The following BTBD7 variants were observed in gnomAD, a reference collection of about 807,000 sequenced individuals.
The protein encoded by BTBD7 is BTB/POZ domain-containing protein 7.
In BTBD7, 38 loss-of-function variants were observed where a neutral mutation model predicts 99.9. The observed-to-expected ratio is 0.38, with a 90% CI of 0.29 to 0.50. The LOEUF is 0.50. Ranked by LOEUF, BTBD7 falls within the 20% of genes least tolerant of loss-of-function variation. The probability of loss-of-function intolerance (pLI) is 0.93; values close to 1 mark genes in which losing one functional copy is unlikely to be tolerated. For synonymous variants in BTBD7, 520 were observed against 511.4 expected, an observed-to-expected ratio of 1.02 and a Z score of -0.23; for missense variants, 1,170 against 1,394.6, an observed-to-expected ratio of 0.84 and a Z score of 2.57.
chr14:93,295,240 A>G (rs1345780239), intron 2 of BTBD7, among the ~76,000 whole-genome samples: 2 of 152,138 alleles, frequency 1.3e-5, no homozygotes, highest in Non-Finnish European at 2.9e-5. Context: ...CTTCCCAAGT[A>G]GCTGGGAGTA....
intron 9 of BTBD7, 44 bp from the exon 10 acceptor site, chr14:93,246,330 A>C: frequency 6.8e-7 from 1 of 1,470,474 alleles, no homozygotes; most frequent in Non-Finnish European, 9.0e-7. Context: ...TTATTAGCAG[A>C]TTTCATAAGT....
chr14:93,331,194 AC>A lies in BTBD7; in HGVS notation c.-107+1625del, dbSNP rs2053398672. On this transcript the variant is annotated intron_variant, in intron 1 of 10. Transcript: ENST00000334746. ...TCGCTTTCAACTTTATTACACCAAA[AC>A]CCTATGGATAGGGGTAGGTAGTGAA... 3.3e-5 allele frequency among the ~76,000 whole-genome samples: 5 copies of A among 152,254 alleles called. No homozygotes were observed. The South Asian group carries it at 1.0e-3, about 32-fold the overall frequency.
At chr14:93,321,650 G>A (rs575086159) in intron 1 of BTBD7, among the ~76,000 whole-genome samples, 2 of 152,178 alleles carry the variant, frequency 1.3e-5, no homozygotes, top group Non-Finnish European at 2.9e-5. Context: ...CTGTTGAACA[G>A]GCAATTACAA....
At chr14:93,329,961 G>A (rs1566869619) in intron 1 of BTBD7, among the ~76,000 whole-genome samples, 1 of 152,168 alleles carries the variant, frequency 6.6e-6, no homozygotes, top group Non-Finnish European at 1.5e-5. Context: ...TAAATTGTAT[G>A]TGGATTTTAC....
At chr14:93,321,936 C>A (rs1444095549) in intron 1 of BTBD7, among the ~76,000 whole-genome samples, 4 of 152,016 alleles carry the variant, frequency 2.6e-5, no homozygotes, top group Non-Finnish European at 4.4e-5. Context: ...ATGCTCCAAA[C>A]AGCAGTGGGA....
intron 3 of BTBD7, among the ~76,000 whole-genome samples, chr14:93,290,912 T>TGGCCTCAAGTGATCC (rs766789932): frequency 8.6e-5 from 13 of 151,192 alleles, no homozygotes; most frequent in Non-Finnish European, 1.5e-4. Flanking sequence ...CTTAAACTCC[T>TGGCCTCAAGTGATCC]GGCCTCAAGT....
intron 1 of BTBD7, among the ~76,000 whole-genome samples, chr14:93,303,800 T>A (rs908479930): frequency 2.0e-5 from 3 of 152,058 alleles, no homozygotes; most frequent in African/African-American, 7.2e-5. Flanking sequence ...AAGCAACAGA[T>A]GGAAAATGGG....
At position 93,241,683 on chromosome 14, in the gene BTBD7, T is replaced by C. The variant is rs1595279478; in HGVS notation, c.*590A>G. The C allele has an allele frequency of 6.5e-6, 1 of 152,748 alleles. No individual in the cohort carries two copies. Among genetic ancestry groups the C allele is most frequent in the African/African-American group, 2.4e-5 (1 of 41,338 alleles). The allele number at this position is 152,748 out of a possible 1,614,324, so 9.5% of individuals were successfully genotyped here. ...AATGAAGCCCAGCTCCTAGGACTTA[T>C]TAAAAAAAAAATGACATTAGATTTA... is the stretch of plus-strand genomic sequence containing the variant. On this transcript the variant is annotated 3_prime_UTR_variant, in exon 11 of 11. Transcript: ENST00000334746.
intron 3 of BTBD7, among the ~76,000 whole-genome samples, chr14:93,275,469 T>G (rs17128979): frequency 0.011 from 1,645 of 152,328 alleles, 37 homozygotes; most frequent in African/African-American, 0.038. Context: ...TAGCTAATAT[T>G]TGGAATTTGG....
chr14:93,300,777 TATATA>T (rs1347488001), intron 1 of BTBD7, among the ~76,000 whole-genome samples: 1 of 99,324 alleles, frequency 1.0e-5, no homozygotes, highest in East Asian at 2.9e-4. Flanking sequence ...TGTGTGTATA[TATATA>T]TATATTTTTT....
At chr14:93,254,307 C>G (rs1184349076) in intron 6 of BTBD7, among the ~76,000 whole-genome samples, 1 of 152,074 alleles carries the variant, frequency 6.6e-6, no homozygotes, top group Non-Finnish European at 1.5e-5. Flanking sequence ...CCATTTTTCT[C>G]TAAATAGAGG....
At chr14:93,307,335 T>C (rs2053082309) in intron 1 of BTBD7, among the ~76,000 whole-genome samples, 1 of 152,092 alleles carries the variant, frequency 6.6e-6, no homozygotes, top group African/African-American at 2.4e-5. Context: ...ATTTTTTTTC[T>C]GTAGAGACAG....
rs115254338 is a variant in BTBD7 at position 93,302,194 on chromosome 14, T to C, written c.-106-6037A>G. Among the ~76,000 whole-genome samples, 1,077 of 152,338 alleles carry C rather than the reference T, an allele frequency of 7.1e-3. 13 individuals are homozygous for C. The highest frequency in any genetic ancestry group is 0.025 in the African/African-American group (1,031 of 41,568). On this transcript the variant is annotated intron_variant, in intron 1 of 10. Transcript: ENST00000334746. ...TTTTGGATCTCCTAAGGCCAGTTTC[T>C]GGAGTTCTTTAAGCACAAGGCATGG...
At chr14:93,331,050 G>C (rs957674316) in intron 1 of BTBD7, among the ~76,000 whole-genome samples, 1 of 152,110 alleles carries the variant, frequency 6.6e-6, no homozygotes, top group African/African-American at 2.4e-5. Flanking sequence ...GTAGTCATGA[G>C]CCTAAGAAAA....
At chr14:93,296,210 C>G in intron 1 of BTBD7, 53 bp from the exon 2 acceptor site, 1 of 1,232,350 alleles carries the variant, frequency 8.1e-7, no homozygotes, top group Non-Finnish European at 1.0e-6. Context: ...TATCTCAGAT[C>G]ACAGTTTTTT....
chr14:93,298,129 CAAA>C (rs1341812391), intron 1 of BTBD7, among the ~76,000 whole-genome samples: 1 of 152,062 alleles, frequency 6.6e-6, no homozygotes, highest in African/African-American at 2.4e-5. Flanking sequence ...TGGCATGAAA[CAAA>C]GAAGAATAGA....
chr14:93,266,975 A>C (rs2052549659), intron 3 of BTBD7, among the ~76,000 whole-genome samples: 1 of 152,242 alleles, frequency 6.6e-6, no homozygotes, highest in African/African-American at 2.4e-5. Context: ...TGAGGAGGAC[A>C]GACCTCATTC....
chr14:93,293,397 G>T (rs1205130445), intron 3 of BTBD7, among the ~76,000 whole-genome samples: 1 of 152,126 alleles, frequency 6.6e-6, no homozygotes, highest in Non-Finnish European at 1.5e-5. Flanking sequence ...CAGAAACCCT[G>T]CCCAATTCTG....
Position 93,240,136 on chromosome 14 carries a change from C to G in BTBD7, c.*2137G>C, listed in dbSNP as rs1365015392. 1 of 152,364 alleles carries G rather than the reference C, an allele frequency of 6.6e-6. No individual in the cohort carries two copies. Among genetic ancestry groups the G allele is most frequent in the African/African-American group, 2.4e-5 (1 of 41,428 alleles). 9.4% of individuals were successfully genotyped at this position (152,364 alleles called of 1,614,324 possible). A position where few individuals can be genotyped will look rare whatever the true frequency, so the allele number is the denominator to read the frequency against. On this transcript the variant is annotated 3_prime_UTR_variant, in exon 11 of 11. Coordinates refer to ENST00000334746, the MANE Select transcript of BTBD7 (RefSeq NM_001002860.4). ...ATGCTTTTCTCTTTAAAAAAGGAGC[C>G]TCGAATGCGATGCACAGCCGACCTG...
Sources: allele counts gnomAD v4.1 joint callset (sites outside exome capture counted in the v4.1 genomes callset), GRCh38; gene constraint gnomAD v4.1.1; transcripts MANE v1.5; gene names NCBI Gene and HGNC (gene_info 2026-07-23, HGNC 2026-07-21).